The following FARP1 variants were observed in gnomAD, a reference collection of about 807,000 sequenced individuals.
FARP1 encodes the protein FERM, ARHGEF and pleckstrin domain-containing protein 1.
Under a neutral mutation model 128.8 loss-of-function variants are expected in FARP1, and 52 were observed. The observed-to-expected ratio is 0.40, with a 90% CI of 0.32 to 0.51. The LOEUF (loss-of-function observed/expected upper bound fraction) is 0.51. FARP1 is among the 20% of genes least tolerant of loss of function. The probability of loss-of-function intolerance (pLI) is 0.45; values close to 1 mark genes in which losing one functional copy is unlikely to be tolerated. For synonymous variants in FARP1, 580 were observed against 551.8 expected, an observed-to-expected ratio of 1.05 and a Z score of -0.72; for missense variants, 1,333 against 1,367.9, an observed-to-expected ratio of 0.97 and a Z score of 0.40.
At chr13:98,414,060 A>G (rs1208462176) in intron 16 of FARP1, among the ~76,000 whole-genome samples, 1 of 152,150 alleles carries the variant, frequency 6.6e-6, no homozygotes, top group Admixed American at 6.5e-5. Flanking sequence ...AAATGCAGAG[A>G]GCTGTCTAAT....
intron 2 of FARP1, among the ~76,000 whole-genome samples, chr13:98,275,628 CTTTTTTT>C (rs201108793): frequency 7.5e-5 from 5 of 67,086 alleles, no homozygotes; most frequent in Non-Finnish European, 1.7e-4. Flanking sequence ...CTCTTTCTCT[CTTTTTTT>C]TTTTTTTTTT....
At chr13:98,419,291 T>G (rs1594514913) in intron 16 of FARP1, among the ~76,000 whole-genome samples, 1 of 152,068 alleles carries the variant, frequency 6.6e-6, no homozygotes, top group African/African-American at 2.4e-5. Flanking sequence ...CTTGCCAACA[T>G]GGTGAAACCC....
At chr13:98,331,582 A>G (rs1313222239) in intron 2 of FARP1, among the ~76,000 whole-genome samples, 2 of 152,262 alleles carry the variant, frequency 1.3e-5, no homozygotes, top group Admixed American at 6.5e-5. Context: ...ATAACACAAC[A>G]TATTTCAACT....
chr13:98,309,955 A>T (rs1193469836), intron 2 of FARP1, among the ~76,000 whole-genome samples: 1 of 152,186 alleles, frequency 6.6e-6, no homozygotes, highest in East Asian at 1.9e-4. Flanking sequence ...CACTTGGGAT[A>T]CTGTCCTCTC....
At chr13:98,285,641 G>GT (rs1334253786) in intron 2 of FARP1, among the ~76,000 whole-genome samples, 1 of 151,270 alleles carries the variant, frequency 6.6e-6, no homozygotes, top group Non-Finnish European at 1.5e-5. Flanking sequence ...TTTGTTTTGC[G>GT]TATTTGGTCT....
At chr13:98,335,400 T>G (rs943961103) in intron 2 of FARP1, among the ~76,000 whole-genome samples, 5 of 152,138 alleles carry the variant, frequency 3.3e-5, no homozygotes, top group African/African-American at 1.2e-4. Context: ...AGAAAAACTT[T>G]TCCTTATAAA....
At chr13:98,382,284 T>A (rs529508215) in intron 6 of FARP1, 1 of 152,192 alleles carries the variant, frequency 6.6e-6, no homozygotes, top group African/African-American at 2.4e-5. Flanking sequence ...TTCCAGAAAT[T>A]TAAGGAGCAG....
rs1471231082 is a variant in FARP1, at chr13:98,450,958, G to C, written c.*2641G>C. 6.6e-6 allele frequency: 1 copy of C among 152,228 alleles called. No individual in the cohort carries two copies. Among genetic ancestry groups the C allele is most frequent in the Non-Finnish European group, 1.5e-5 (1 of 68,086 alleles). 9.4% of individuals were successfully genotyped at this position (152,228 alleles called of 1,614,324 possible). A position where few individuals can be genotyped will look rare whatever the true frequency, so the allele number is the denominator to read the frequency against. On this transcript the variant is annotated 3_prime_UTR_variant, in exon 27 of 27. Transcript: ENST00000319562. ...AACCCCACCTCCCCCGACAGGAAAT[G>C]CTGCCAGTCAACTCTAAAAGAACCA... is the stretch of plus-strand genomic sequence containing the variant.
intron 3 of FARP1, among the ~76,000 whole-genome samples, chr13:98,352,502 A>G (rs1888478028): frequency 1.3e-5 from 2 of 152,216 alleles, no homozygotes; most frequent in African/African-American, 4.8e-5. Flanking sequence ...CAATCGAGCC[A>G]GGGAACTTGA....
chr13:98,390,765 G>T (rs747899763), intron 10 of FARP1, 47 bp from the exon 11 acceptor site: 2 of 1,391,140 alleles, frequency 1.4e-6, no homozygotes, highest in African/African-American at 2.8e-5. Flanking sequence ...GTTTAAATGA[G>T]AATGCCTTGG....
intron 2 of FARP1, among the ~76,000 whole-genome samples, chr13:98,299,506 G>C (rs1186056815): frequency 1.3e-5 from 2 of 152,174 alleles, no homozygotes; most frequent in Non-Finnish European, 2.9e-5. Flanking sequence ...TTCTACAGAA[G>C]ACTCATAAGC....
intron 2 of FARP1, among the ~76,000 whole-genome samples, chr13:98,281,489 C>T (rs1368007338): frequency 2.0e-5 from 3 of 152,176 alleles, no homozygotes; most frequent in Non-Finnish European, 4.4e-5. Context: ...TTGCACCTGG[C>T]CTGGATCTCC....
chr13:98,332,533 G>A (rs990791553), intron 2 of FARP1: 9 of 152,150 alleles, frequency 5.9e-5, no homozygotes, highest in Admixed American at 5.9e-4. Flanking sequence ...TGTTTGGGAA[G>A]TTTTCTGGAA....
In FARP1 at chr13:98,255,417, C is replaced by T. The variant is rs56844909; in HGVS notation, c.171+42004C>T. Among the ~76,000 whole-genome samples, 6 of 152,132 alleles carry T rather than the reference C, an allele frequency of 3.9e-5. 1 individual carries two copies. Among genetic ancestry groups the T allele is most frequent in the East Asian group, 1.9e-4 (1 of 5,164 alleles). On this transcript the variant is annotated intron_variant, in intron 2 of 26. Transcript: ENST00000319562. Reference sequence around the variant, plus strand: ...TCGGGAGGCTGAGGCAGGAGAATGGCGTGAACCCAGGACGCGAAGCTTGCA... The same window carrying T: ...TCGGGAGGCTGAGGCAGGAGAATGGTGTGAACCCAGGACGCGAAGCTTGCA...
In FARP1 at chr13:98,204,703, G is replaced by A. The variant is rs149829355; in HGVS notation, c.-23-8517G>A. Among the ~76,000 whole-genome samples the A allele has an allele frequency of 2.7e-3, 407 of 152,292 alleles. 4 individuals carry two copies. The East Asian group carries it at 0.039, about 14-fold the overall frequency. ...TGGCTGCATGTGGTGGCTTATGCCTGTAGTCCCAGCACTTTGGAGGCCAAG... is the reference window on the plus strand; with the variant it reads ...TGGCTGCATGTGGTGGCTTATGCCTATAGTCCCAGCACTTTGGAGGCCAAG... On this transcript the variant is annotated intron_variant, in intron 1 of 26. Coordinates refer to ENST00000319562, the MANE Select transcript of FARP1 (RefSeq NM_005766.4).
chr13:98,200,874 A>T (rs1879896599), intron 1 of FARP1, among the ~76,000 whole-genome samples: 1 of 152,040 alleles, frequency 6.6e-6, no homozygotes, highest in Admixed American at 6.5e-5. Flanking sequence ...TTTGAATGTA[A>T]GTGTTTTATT....
At chr13:98,187,314 CTG>C (rs1162015285) in intron 1 of FARP1, among the ~76,000 whole-genome samples, 1 of 152,154 alleles carries the variant, frequency 6.6e-6, no homozygotes, top group Non-Finnish European at 1.5e-5. Context: ...AATGTTTACA[CTG>C]TAATGTGATA....
chr13:98,191,087 G>A (rs1594250786), intron 1 of FARP1, among the ~76,000 whole-genome samples: 1 of 152,134 alleles, frequency 6.6e-6, no homozygotes, highest in South Asian at 2.1e-4. Context: ...TCTCCGGCCC[G>A]ACACTGCTGG....
At chr13:98,155,605 G>A (rs1876450256) in intron 1 of FARP1, among the ~76,000 whole-genome samples, 1 of 152,038 alleles carries the variant, frequency 6.6e-6, no homozygotes. Flanking sequence ...TGCAATCTCT[G>A]CCTCCCAGGC....
Sources: gnomAD v4.1 joint callset for allele counts (sites outside exome capture counted in the v4.1 genomes callset) on GRCh38, gnomAD v4.1.1 for gene constraint, MANE v1.5 for transcripts, NCBI Gene and HGNC (gene_info 2026-07-23, HGNC 2026-07-21) for gene names.